Variants in COL13A1 observed in about 807,000 individuals in gnomAD.
The protein encoded by COL13A1 is collagen alpha-1(XIII) chain.
A neutral mutation model predicts 130.9 loss-of-function variants in COL13A1; 89 were observed. The ratio of observed to expected loss-of-function variants is 0.68; its 90% CI spans 0.57 to 0.81. The LOEUF (loss-of-function observed/expected upper bound fraction) is 0.81. Ranked by LOEUF, COL13A1 falls within the 30% of genes least tolerant of loss-of-function variation. The pLI is 0.00. For missense variants in COL13A1, 879 were observed against 934.6 expected, an observed-to-expected ratio of 0.94 and a Z score of 0.78; for synonymous variants, 402 against 341.6, an observed-to-expected ratio of 1.18 and a Z score of -1.95.
intron 17 of COL13A1, among the ~76,000 whole-genome samples, chr10:69,914,607 G>A (rs965187570): frequency 6.6e-5 from 10 of 152,174 alleles, no homozygotes; most frequent in African/African-American, 9.7e-5. Flanking sequence ...GGGATGACGG[G>A]GGCCTCTGAA....
At chr10:69,936,516 C>A (rs369429517) in intron 32 of COL13A1, among the ~76,000 whole-genome samples, 88 of 152,288 alleles carry the variant, frequency 5.8e-4, no homozygotes, top group South Asian at 1.5e-3. Context: ...TCTGGGTCAA[C>A]CATGAGGACC....
intron 5 of COL13A1, among the ~76,000 whole-genome samples, chr10:69,875,506 C>G (rs1280522568): frequency 6.6e-6 from 1 of 152,194 alleles, no homozygotes; most frequent in East Asian, 1.9e-4. Context: ...ACTCCGCCCC[C>G]CAAAGCTGGC....
intron 2 of COL13A1, among the ~76,000 whole-genome samples, chr10:69,856,831 G>C (rs1045350371): frequency 1.1e-4 from 16 of 152,184 alleles, no homozygotes; most frequent in African/African-American, 3.6e-4. Flanking sequence ...GGATCTCACT[G>C]TTTCTGGGAG....
At chr10:69,924,197 G>A (rs2065051759) in intron 24 of COL13A1, among the ~76,000 whole-genome samples, 1 of 152,222 alleles carries the variant, frequency 6.6e-6, no homozygotes, top group South Asian at 2.1e-4. Context: ...GGCAGTGGAG[G>A]AGAAAGAGAG....
At chr10:69,814,370 G>A (rs867399801) in intron 1 of COL13A1, among the ~76,000 whole-genome samples, 10 of 152,230 alleles carry the variant, frequency 6.6e-5, no homozygotes, top group Non-Finnish European at 1.2e-4. Context: ...ACCACTTGTC[G>A]CAGAGGTGTA....
chr10:69,814,320 C>T (rs1843854935), intron 1 of COL13A1, among the ~76,000 whole-genome samples: 1 of 152,124 alleles, frequency 6.6e-6, no homozygotes, highest in Non-Finnish European at 1.5e-5. Context: ...CTGAGTTTCC[C>T]AGGAGGAGGA....
At chr10:69,906,567 T>A (rs2062773878) in intron 17 of COL13A1, among the ~76,000 whole-genome samples, 1 of 152,092 alleles carries the variant, frequency 6.6e-6, no homozygotes, top group Non-Finnish European at 1.5e-5. Context: ...GCATAAAGAC[T>A]TGTCACGTAT....
At chr10:69,871,587 C>A (rs2059078050) in intron 3 of COL13A1, among the ~76,000 whole-genome samples, 1 of 152,166 alleles carries the variant, frequency 6.6e-6, no homozygotes, top group Admixed American at 6.5e-5. Context: ...CTGAACTTTT[C>A]TCAGCAGCCC....
intron 7 of COL13A1, among the ~76,000 whole-genome samples, chr10:69,882,957 G>A (rs568745022): frequency 1.3e-5 from 2 of 152,192 alleles, no homozygotes; most frequent in Non-Finnish European, 2.9e-5. Flanking sequence ...TTGTCATTAA[G>A]GGGTAGAAGT....
intron 28 of COL13A1, among the ~76,000 whole-genome samples, chr10:69,929,390 A>G (rs1235697874): frequency 1.3e-5 from 2 of 151,918 alleles, no homozygotes; most frequent in East Asian, 3.9e-4. Flanking sequence ...TTTTCTCAGA[A>G]GGTCTGCCCC....
chr10:69,839,336 T>C (rs1850954539), intron 2 of COL13A1, among the ~76,000 whole-genome samples: 1 of 152,184 alleles, frequency 6.6e-6, no homozygotes, highest in Non-Finnish European at 1.5e-5. Context: ...ATAAGGAAAT[T>C]AACAAGAAAA....
At chr10:69,936,095 G>A (rs191316513) in intron 32 of COL13A1, among the ~76,000 whole-genome samples, 2 of 113,272 alleles carry the variant, frequency 1.8e-5, no homozygotes, top group African/African-American at 7.9e-5. Flanking sequence ...GAGGGAAGGA[G>A]GGAAGGGAGG....
chr10:69,865,160 C>T (rs1012760816), intron 2 of COL13A1, among the ~76,000 whole-genome samples: 1 of 152,172 alleles, frequency 6.6e-6, no homozygotes, highest in Non-Finnish European at 1.5e-5. Context: ...ACAACATGGC[C>T]CTGGATGGTC....
chr10:69,877,062 C>T (rs1022905987), intron 5 of COL13A1, among the ~76,000 whole-genome samples: 1 of 152,170 alleles, frequency 6.6e-6, no homozygotes, highest in African/African-American at 2.4e-5. Flanking sequence ...TCCTTCTTAG[C>T]AGGTCTATTT....
intron 2 of COL13A1, among the ~76,000 whole-genome samples, chr10:69,828,644 T>C (rs1848087589): frequency 6.6e-6 from 1 of 152,214 alleles, no homozygotes; most frequent in Non-Finnish European, 1.5e-5. Context: ...CCTAGTGAAC[T>C]CTTCACCCCT....
intron 2 of COL13A1, among the ~76,000 whole-genome samples, chr10:69,862,631 C>T (rs1858464078): frequency 6.6e-6 from 1 of 152,214 alleles, no homozygotes. Flanking sequence ...TTCCCTTCTT[C>T]ACTGCTCTTT....
At chr10:69,875,523 C>T (rs530654598) in intron 5 of COL13A1, among the ~76,000 whole-genome samples, 1 of 152,338 alleles carries the variant, frequency 6.6e-6, no homozygotes, top group South Asian at 2.1e-4. Context: ...TGGCAGCTCA[C>T]CCTTAGATTC....
chr10:69,873,276 C>T (rs2059254258), intron 4 of COL13A1, among the ~76,000 whole-genome samples: 1 of 152,312 alleles, frequency 6.6e-6, no homozygotes, highest in African/African-American at 2.4e-5. Context: ...AATCCAACAG[C>T]TTCTAAAATT....
At chr10:69,828,747 C>T (rs1848113774) in intron 2 of COL13A1, among the ~76,000 whole-genome samples, 1 of 152,202 alleles carries the variant, frequency 6.6e-6, no homozygotes, top group African/African-American at 2.4e-5. Flanking sequence ...AGTATGTTAA[C>T]GTAATGCCTG....
Sources: gnomAD v4.1 joint callset for allele counts (sites outside exome capture counted in the v4.1 genomes callset) on GRCh38, gnomAD v4.1.1 for gene constraint, MANE v1.5 for transcripts, NCBI Gene and HGNC (gene_info 2026-07-23, HGNC 2026-07-21) for gene names.